Variants in L2HGDH observed in about 807,000 individuals in gnomAD.
L2HGDH encodes L-2-hydroxyglutarate dehydrogenase, mitochondrial.
In L2HGDH, 34 loss-of-function variants were observed where a neutral mutation model predicts 51.5. The ratio of observed to expected loss-of-function variants is 0.66; its 90% CI spans 0.50 to 0.88. L2HGDH has a LOEUF of 0.88. L2HGDH is among the 40% of genes least tolerant of loss of function. L2HGDH has a pLI of 0.00. For missense variants in L2HGDH, 558 were observed against 571.9 expected (o/e 0.98, Z 0.25); for synonymous variants, 198 against 197.9 (o/e 1.00, Z -0.01).
At chr14:50,304,610 C>T (rs1246536664) in intron 1 of L2HGDH, among the ~76,000 whole-genome samples, 1 of 152,132 alleles carries the variant, frequency 6.6e-6, no homozygotes, top group East Asian at 1.9e-4. Context: ...CCAAGGCGGG[C>T]AGATCACGAG....
chr14:50,305,103 GAACT>G (rs1347178679), intron 1 of L2HGDH, among the ~76,000 whole-genome samples: 1 of 152,082 alleles, frequency 6.6e-6, no homozygotes, highest in African/African-American at 2.4e-5. Flanking sequence ...AGACAACTAG[GAACT>G]AACACGTAAG....
chr14:50,250,252 G>C (rs1203096036), intron 9 of L2HGDH, among the ~76,000 whole-genome samples: 1 of 152,192 alleles, frequency 6.6e-6, no homozygotes, highest in Non-Finnish European at 1.5e-5. Flanking sequence ...GGCCAGAGGG[G>C]AGCCCACTGC....
intron 1 of L2HGDH, 136 bp downstream of exon 1, chr14:50,311,875 G>C: frequency 8.4e-7 from 1 of 1,191,160 alleles, no homozygotes; most frequent in African/African-American, 1.5e-5. Context: ...CCTGGGATCC[G>C]AGGTTGGAGT....
chr14:50,309,635 A>G lies in L2HGDH; in HGVS notation c.140+2376T>C, dbSNP rs549523459. 5.3e-5 allele frequency among the ~76,000 whole-genome samples: 8 copies of G among 152,094 alleles called. No homozygotes were observed. In the South Asian group the frequency reaches 1.7e-3, roughly 32 times the overall value. ...TGGAGAGGAAGGTGTGAATATAAAG[A>G]GATAGGTAACACAACAGATAACCTT... On this transcript the variant is annotated intron_variant, in intron 1 of 9. Transcript: ENST00000267436.
intron 6 of L2HGDH, among the ~76,000 whole-genome samples, chr14:50,276,415 A>G (rs1470647855): frequency 1.3e-5 from 2 of 152,142 alleles, no homozygotes; most frequent in Non-Finnish European, 2.9e-5. Context: ...ATTTCTCCAT[A>G]CATTACCTAA....
At chr14:50,264,192 T>C (rs1889207493) in intron 9 of L2HGDH, among the ~76,000 whole-genome samples, 2 of 151,616 alleles carry the variant, frequency 1.3e-5, no homozygotes, top group African/African-American at 4.8e-5. Context: ...CCCGCCTGGC[T>C]AACAGGAGAA....
At chr14:50,285,531 T>A (rs1890521589) in intron 4 of L2HGDH, among the ~76,000 whole-genome samples, 1 of 152,192 alleles carries the variant, frequency 6.6e-6, no homozygotes, top group Non-Finnish European at 1.5e-5. Flanking sequence ...CTATAAACAA[T>A]ATTTTGGGTA....
intron 6 of L2HGDH, among the ~76,000 whole-genome samples, chr14:50,273,777 G>A (rs937053283): frequency 5.9e-5 from 9 of 152,100 alleles, no homozygotes; most frequent in Admixed American, 2.6e-4. Flanking sequence ...CAAATGAGCC[G>A]ATTAAAAAAT....
chr14:50,286,441 T>C (rs1395657341), intron 4 of L2HGDH, among the ~76,000 whole-genome samples: 2 of 152,172 alleles, frequency 1.3e-5, no homozygotes, highest in Non-Finnish European at 2.9e-5. Context: ...CCGATGATAC[T>C]TGGTTTTCTT....
At chr14:50,261,589 C>G (rs1257705038) in intron 9 of L2HGDH, among the ~76,000 whole-genome samples, 1 of 152,042 alleles carries the variant, frequency 6.6e-6, no homozygotes, top group African/African-American at 2.4e-5. Flanking sequence ...CTCAAGGGAT[C>G]TTGCCACTTA....
chr14:50,249,817 G>C (rs1361473201), intron 9 of L2HGDH, among the ~76,000 whole-genome samples: 1 of 149,102 alleles, frequency 6.7e-6, no homozygotes, highest in Non-Finnish European at 1.5e-5. Flanking sequence ...TTAGGTACCA[G>C]CTCAGCCACA....
chr14:50,295,001 A>G (rs1275590660), intron 3 of L2HGDH, among the ~76,000 whole-genome samples: 2 of 152,230 alleles, frequency 1.3e-5, no homozygotes, highest in East Asian at 3.8e-4. Context: ...ATCAATAAAT[A>G]ATTAACCTTA....
chr14:50,270,922 T>G (rs1889646590), intron 6 of L2HGDH, among the ~76,000 whole-genome samples: 1 of 152,234 alleles, frequency 6.6e-6, no homozygotes, highest in African/African-American at 2.4e-5. Flanking sequence ...GTCATAGTTT[T>G]TACAAAAATT....
intron 9 of L2HGDH, among the ~76,000 whole-genome samples, chr14:50,261,032 G>A (rs1450113856): frequency 4.0e-5 from 6 of 151,826 alleles, no homozygotes; most frequent in South Asian, 2.1e-4. Context: ...CAGGAGAATC[G>A]CTTGAACCCG....
At chr14:50,272,467 T>C (rs1297168990) in intron 6 of L2HGDH, among the ~76,000 whole-genome samples, 1 of 152,214 alleles carries the variant, frequency 6.6e-6, no homozygotes, top group African/African-American at 2.4e-5. Context: ...CAGATAGTCA[T>C]GCTTTATGGA....
chr14:50,245,020 G>C lies in L2HGDH; in HGVS notation c.*2038C>G. On this transcript the variant is annotated 3_prime_UTR_variant, in exon 10 of 10. Coordinates refer to ENST00000267436, the MANE Select transcript of L2HGDH (RefSeq NM_024884.3). ...CTAAATTATAAGAATAATTTCGATA[G>C]ATACCACAAAACACATATATACAGG... 1 of 985,560 alleles carries C rather than the reference G, an allele frequency of 1.0e-6. No homozygotes were observed. Among genetic ancestry groups the C allele is most frequent in the East Asian group, 1.1e-4 (1 of 8,818 alleles). 61.1% of individuals were successfully genotyped at this position (985,560 alleles called of 1,614,324 possible).
At chr14:50,266,470 C>T (rs917028874) in intron 8 of L2HGDH, among the ~76,000 whole-genome samples, 1 of 152,126 alleles carries the variant, frequency 6.6e-6, no homozygotes, top group Non-Finnish European at 1.5e-5. Flanking sequence ...TGGCGAAACC[C>T]TGTCTCTACA....
intron 7 of L2HGDH, among the ~76,000 whole-genome samples, chr14:50,268,222 T>C (rs1889455367): frequency 6.6e-6 from 1 of 151,596 alleles, no homozygotes; most frequent in African/African-American, 2.4e-5. Flanking sequence ...CTACTAAAAA[T>C]ACAAAAATTA....
At chr14:50,310,232 T>G (rs1293748657) in intron 1 of L2HGDH, among the ~76,000 whole-genome samples, 1 of 151,916 alleles carries the variant, frequency 6.6e-6, no homozygotes, top group Non-Finnish European at 1.5e-5. Context: ...TACTGTTTAT[T>G]TATTTTTATT....
Sources: gnomAD v4.1 joint callset for allele counts (sites outside exome capture counted in the v4.1 genomes callset) on GRCh38, gnomAD v4.1.1 for gene constraint, MANE v1.5 for transcripts, NCBI Gene and HGNC (gene_info 2026-07-23, HGNC 2026-07-21) for gene names.